GMNN: variants seen among roughly 807,000 people sequenced by gnomAD.
GMNN encodes geminin.
Under a neutral mutation model 20.9 loss-of-function variants are expected in GMNN, and 14 were observed. That is an observed-to-expected ratio of 0.67 (90% CI 0.44 to 1.05). The LOEUF (loss-of-function observed/expected upper bound fraction) is 1.05, where lower values mean the gene tolerates loss of function less well. Ranked by LOEUF, GMNN falls within the 50% of genes least tolerant of loss-of-function variation. GMNN has a pLI of 0.00. For missense variants in GMNN, 227 were observed against 243.8 expected, an observed-to-expected ratio of 0.93 and a Z score of 0.46; for synonymous variants, 81 against 85.8, an observed-to-expected ratio of 0.94 and a Z score of 0.31.
At chr6:24,778,439 C>G (rs1474659549) in intron 2 of GMNN, among the ~76,000 whole-genome samples, 5 of 152,026 alleles carry the variant, frequency 3.3e-5, no homozygotes, top group Non-Finnish European at 7.4e-5. Context: ...GGAGTTTGGG[C>G]TTTGGTGAAT....
chr6:24,775,331 G>A (rs1780036068), intron 1 of GMNN, 87 bp downstream of exon 1: 1 of 152,346 alleles, frequency 6.6e-6, no homozygotes, highest in Non-Finnish European at 1.5e-5. Flanking sequence ...GGCTGGGTCG[G>A]TTTTGGCGCG....
chr6:24,776,704 CCT>C (rs1358442717), intron 1 of GMNN, among the ~76,000 whole-genome samples: 2 of 152,170 alleles, frequency 1.3e-5, no homozygotes, highest in Admixed American at 1.3e-4. Flanking sequence ...CTACCTTTTC[CCT>C]CTTTCTTGCT....
chr6:24,781,195 C>T (rs1177916821), intron 3 of GMNN, among the ~76,000 whole-genome samples: 1 of 151,512 alleles, frequency 6.6e-6, no homozygotes, highest in Non-Finnish European at 1.5e-5. Flanking sequence ...CAGAGCGAGA[C>T]TCTAAAATAA....
intron 1 of GMNN, among the ~76,000 whole-genome samples, chr6:24,776,237 A>T (rs562735352): frequency 6.6e-6 from 1 of 152,158 alleles, no homozygotes; most frequent in South Asian, 2.1e-4. Context: ...AGCTGGGACT[A>T]CAGACGAGCA....
rs1385137828 is a variant in GMNN, at chr6:24,778,890, G to A, written c.51+1593G>A. 6.6e-5 allele frequency among the ~76,000 whole-genome samples: 10 copies of A among 152,130 alleles called. No homozygotes were observed. The South Asian group carries it at 1.9e-3, about 28-fold the overall frequency. On this transcript the variant is annotated intron_variant, in intron 2 of 6. Transcript: ENST00000230056. ...TTTTCCTTCAGTGGATTAATTTGAA[G>A]CAAATCACAGCCAAATAATTTATAT...
chr6:24,784,342 AT>A (rs2113584180), intron 5 of GMNN, 101 bp from the exon 6 acceptor site: 1 of 708,310 alleles, frequency 1.4e-6, no homozygotes, highest in Non-Finnish European at 2.6e-6. Flanking sequence ...TTGAGAGTCA[AT>A]TCTATGCTGC....
chr6:24,776,304 G>A lies in GMNN; in HGVS notation c.-25-918G>A, dbSNP rs942599816. On this transcript the variant is annotated intron_variant, in intron 1 of 6. Transcript: ENST00000230056. ...GTAGAGATGGAGTTTCACCATATTG[G>A]CCAGGCTGGTTTCGAACTTCTGACC... Among the ~76,000 whole-genome samples, 5 of 152,044 alleles carry A rather than the reference G, an allele frequency of 3.3e-5. No individual in the cohort carries two copies. In the South Asian group the frequency reaches 8.3e-4, roughly 25 times the overall value.
chr6:24,775,782 A>T (rs1780050832), intron 1 of GMNN: 1 of 152,262 alleles, frequency 6.6e-6, no homozygotes, highest in African/African-American at 2.4e-5. Context: ...AAACTTGTGA[A>T]GGATTAGAAT....
At chr6:24,780,115 C>T (rs951564240) in intron 2 of GMNN, among the ~76,000 whole-genome samples, 3 of 152,124 alleles carry the variant, frequency 2.0e-5, no homozygotes, top group African/African-American at 7.2e-5. Flanking sequence ...AAATGATTAA[C>T]CATTTCTTCC....
intron 1 of GMNN, among the ~76,000 whole-genome samples, chr6:24,776,019 G>A (rs1025244404): frequency 1.3e-5 from 2 of 152,158 alleles, no homozygotes; most frequent in African/African-American, 4.8e-5. Context: ...TGTTTACTGG[G>A]GCCCGAACAC....
intron 2 of GMNN, among the ~76,000 whole-genome samples, chr6:24,778,872 T>G (rs1315038465): frequency 6.6e-6 from 1 of 152,202 alleles, no homozygotes; most frequent in Non-Finnish European, 1.5e-5. Flanking sequence ...CACTTTTCCT[T>G]CAGTGGATTA....
chr6:24,781,612 A>T lies in GMNN; in HGVS notation c.265A>T (p.Met89Leu). ...GGVTQESFDL[M>L]IKENPSSQYW... ...AGTCACCCAGGAGTCATTTGATCTT[A>T]TGATTAAAGGTATGAAAAAATAGAT... Residue 89 changes from methionine (M) to leucine (L), a missense_variant, in exon 4 of 7, where the codon ATG (methionine) becomes TTG (leucine). Physicochemically the swap from Met to Leu is conservative, Grantham distance 15. Coordinates refer to ENST00000230056, the MANE Select transcript of GMNN (RefSeq NM_015895.5). 1 of 1,457,356 alleles carries T rather than the reference A, an allele frequency of 6.9e-7. No individual in the cohort carries two copies. Among genetic ancestry groups the T allele is most frequent in the Non-Finnish European group, 9.3e-7 (1 of 1,078,000 alleles). 90.3% of individuals were successfully genotyped at this position (1,457,356 alleles called of 1,614,324 possible).
chr6:24,777,087 G>C (rs968060209), intron 1 of GMNN, 135 bp from the exon 2 acceptor site: 13 of 409,944 alleles, frequency 3.2e-5, no homozygotes, highest in Non-Finnish European at 4.4e-5. Context: ...CTTAGTCATT[G>C]ACAGGGCTGA....
chr6:24,775,991 A>G (rs1237950008), intron 1 of GMNN, among the ~76,000 whole-genome samples: 3 of 152,236 alleles, frequency 2.0e-5, no homozygotes, highest in Non-Finnish European at 4.4e-5. Context: ...CGCAGTTTGA[A>G]GAACATTGCG....
At chr6:24,781,769 A>G in intron 4 of GMNN, 148 bp downstream of exon 4, 1 of 451,084 alleles carries the variant, frequency 2.2e-6, no homozygotes, top group Non-Finnish European at 4.0e-6. Context: ...CATTTGTTTG[A>G]CAAGATCCAT....
chr6:24,780,893 G>A (rs367686510), intron 3 of GMNN, among the ~76,000 whole-genome samples, 153 bp downstream of exon 3: 290 of 152,276 alleles, frequency 1.9e-3, no homozygotes, highest in Non-Finnish European at 3.6e-3. Context: ...AGTGATTTTG[G>A]TTTTAATTGT....
In GMNN at chr6:24,785,945, A is replaced by G; in HGVS notation, c.*146A>G. Reference sequence around the variant, plus strand: ...CTGGGACCCTATTGCATTAAAGTACAAATACTATGTATTTTTAATCTATGA... The same window carrying G: ...CTGGGACCCTATTGCATTAAAGTACGAATACTATGTATTTTTAATCTATGA... On this transcript the variant is annotated 3_prime_UTR_variant, in exon 7 of 7. Transcript: ENST00000230056. The G allele has an allele frequency of 1.8e-6, 1 of 563,634 alleles. No homozygotes were observed. The highest frequency in any genetic ancestry group is 3.1e-6 in the Non-Finnish European group (1 of 323,594). The allele number at this position is 563,634 out of a possible 1,614,324, so 34.9% of individuals were successfully genotyped here.
At chr6:24,784,370 A>G (rs1318594366) in intron 5 of GMNN, 74 bp from the exon 6 acceptor site, 46 of 761,360 alleles carry the variant, frequency 6.0e-5, no homozygotes, top group Non-Finnish European at 4.5e-5. Flanking sequence ...TCCATGTTAT[A>G]TACTTGGAGG....
intron 1 of GMNN, chr6:24,775,690 C>T (rs1224294191): frequency 6.6e-6 from 1 of 152,202 alleles, no homozygotes; most frequent in Non-Finnish European, 1.5e-5. Context: ...TGGACCCTGT[C>T]CTGTGCCAGG....
Sources: gnomAD v4.1 joint callset for allele counts (sites outside exome capture counted in the v4.1 genomes callset) on GRCh38, gnomAD v4.1.1 for gene constraint, MANE v1.5 for transcripts, NCBI Gene and HGNC (gene_info 2026-07-23, HGNC 2026-07-21) for gene names.